Variants in KCNH1 observed in about 807,000 individuals in gnomAD.
KCNH1 encodes potassium voltage-gated channel subfamily H member 1.
A neutral mutation model predicts 69.2 loss-of-function variants in KCNH1; 27 were observed. The ratio of observed to expected loss-of-function variants is 0.39; its 90% CI spans 0.29 to 0.54. The LOEUF (loss-of-function observed/expected upper bound fraction) is 0.54, where lower values mean the gene tolerates loss of function less well. Among genes scored for constraint, KCNH1 ranks in the 20% least tolerant of loss-of-function variants. The pLI, the probability that KCNH1 is intolerant of heterozygous loss-of-function variation, is 0.68. For synonymous variants in KCNH1, 456 were observed against 487.7 expected (o/e 0.93, Z 0.86); for missense variants, 798 against 1,261.6 (o/e 0.63, Z 5.57).
intron 7 of KCNH1, among the ~76,000 whole-genome samples, chr1:210,839,980 T>C (rs770542610): frequency 1.3e-5 from 2 of 151,844 alleles, no homozygotes; most frequent in Non-Finnish European, 2.9e-5. Flanking sequence ...CAATGCTGAG[T>C]GAGAGTGAGA....
intron 10 of KCNH1, among the ~76,000 whole-genome samples, chr1:210,758,720 A>G (rs192867614): frequency 1.7e-4 from 26 of 152,296 alleles, no homozygotes; most frequent in African/African-American, 6.0e-4. Context: ...CAACCTCCTC[A>G]GTGCACTATT....
intron 6 of KCNH1, among the ~76,000 whole-genome samples, chr1:210,939,691 C>T (rs1439169232): frequency 6.6e-6 from 1 of 152,130 alleles, no homozygotes; most frequent in Non-Finnish European, 1.5e-5. Context: ...ATTAATATAC[C>T]CAACTTACGG....
intron 10 of KCNH1, among the ~76,000 whole-genome samples, chr1:210,768,003 A>G (rs1045234642): frequency 6.6e-6 from 1 of 152,152 alleles, no homozygotes; most frequent in African/African-American, 2.4e-5. Context: ...TTCTTCACCA[A>G]ACCTCACTGA....
At chr1:210,815,605 G>C (rs1031477198) in intron 7 of KCNH1, among the ~76,000 whole-genome samples, 3 of 152,050 alleles carry the variant, frequency 2.0e-5, no homozygotes, top group Admixed American at 6.6e-5. Context: ...CACTCCACCA[G>C]ATACTCTCTA....
intron 6 of KCNH1, among the ~76,000 whole-genome samples, chr1:210,958,198 CT>C (rs1237867890): frequency 6.6e-6 from 1 of 152,140 alleles, no homozygotes; most frequent in East Asian, 1.9e-4. Context: ...ATATGAAATT[CT>C]GGGTTGAAAA....
intron 7 of KCNH1, among the ~76,000 whole-genome samples, chr1:210,903,115 T>C (rs1687030047): frequency 9.5e-6 from 1 of 104,794 alleles, no homozygotes. Context: ...CCATCTCTCT[T>C]TTTTTTTCAT....
chr1:211,066,365 T>G (rs1174036898), intron 5 of KCNH1, among the ~76,000 whole-genome samples: 1 of 152,224 alleles, frequency 6.6e-6, no homozygotes, highest in African/African-American at 2.4e-5. Flanking sequence ...TTTTGGATTT[T>G]GGAATATTTG....
chr1:210,853,946 C>CATAAAAAAAAAAA (rs1685767139), intron 7 of KCNH1, among the ~76,000 whole-genome samples: 1 of 61,534 alleles, frequency 1.6e-5, no homozygotes, highest in African/African-American at 7.4e-5. Flanking sequence ...TTATCTAAGC[C>CATAAAAAAAAAAA]AAAAAAAAAA....
At chr1:210,925,774 T>G (rs1241635984) in intron 6 of KCNH1, among the ~76,000 whole-genome samples, 2 of 152,214 alleles carry the variant, frequency 1.3e-5, no homozygotes, top group African/African-American at 4.8e-5. Context: ...TGTCCCAAGC[T>G]GGTGGTCTTT....
At chr1:210,775,711 C>T (rs1683846576) in intron 9 of KCNH1, among the ~76,000 whole-genome samples, 167 bp from the exon 10 acceptor site, 3 of 152,158 alleles carry the variant, frequency 2.0e-5, no homozygotes, top group Admixed American at 2.0e-4. Context: ...TCCTTAACAA[C>T]ATGCAGTTTA....
chr1:210,693,161 G>A (rs902186337), intron 10 of KCNH1, among the ~76,000 whole-genome samples: 5 of 152,198 alleles, frequency 3.3e-5, no homozygotes, highest in South Asian at 2.1e-4. Context: ...TTGATCTTTC[G>A]AAGCCTTAGT....
At chr1:210,932,989 G>T (rs1687703287) in intron 6 of KCNH1, among the ~76,000 whole-genome samples, 1 of 152,104 alleles carries the variant, frequency 6.6e-6, no homozygotes, top group Non-Finnish European at 1.5e-5. Flanking sequence ...AGAAACATCA[G>T]ATTTAAACTG....
intron 4 of KCNH1, among the ~76,000 whole-genome samples, chr1:211,085,092 C>G (rs1168655010): frequency 6.6e-6 from 1 of 152,046 alleles, no homozygotes; most frequent in Admixed American, 6.6e-5. Flanking sequence ...GGCACTAGAG[C>G]AAAGTTTTGA....
intron 3 of KCNH1, among the ~76,000 whole-genome samples, chr1:211,101,032 A>G (rs1340359262): frequency 2.6e-5 from 4 of 152,094 alleles, no homozygotes; most frequent in Non-Finnish European, 5.9e-5. Context: ...CTTGGCCCTG[A>G]TCTTTGTCTA....
At chr1:210,995,138 C>A (rs1246940832) in intron 6 of KCNH1, among the ~76,000 whole-genome samples, 1 of 152,146 alleles carries the variant, frequency 6.6e-6, no homozygotes, top group East Asian at 1.9e-4. Flanking sequence ...AGAGAGGTGA[C>A]AATATCACAC....
chr1:211,053,986 T>C (rs985000976), intron 5 of KCNH1, among the ~76,000 whole-genome samples: 3 of 152,060 alleles, frequency 2.0e-5, no homozygotes, highest in African/African-American at 7.2e-5. Flanking sequence ...AGATAGACAT[T>C]TGGCTGGGCA....
In KCNH1 at chr1:210,997,844, T is replaced by G. The variant is rs562170468; in HGVS notation, c.1032+20939A>C. Among the ~76,000 whole-genome samples the G allele has an allele frequency of 3.7e-3, 562 of 152,056 alleles. 4 individuals carry two copies. Among genetic ancestry groups the G allele is most frequent in the African/African-American group, 0.012 (501 of 41,464 alleles). On this transcript the variant is annotated intron_variant, in intron 6 of 10. Transcript: ENST00000271751. ...AGAAATTCTACAAGCCAGAAGAGAG[T>G]GGGGGCCGATATTCAACATTCTTAA...
intron 6 of KCNH1, among the ~76,000 whole-genome samples, chr1:210,998,184 G>C (rs541427163): frequency 3.7e-4 from 57 of 152,268 alleles, no homozygotes; most frequent in African/African-American, 1.3e-3. Flanking sequence ...ATGTAAATGG[G>C]CTAAATGCTC....
intron 5 of KCNH1, among the ~76,000 whole-genome samples, chr1:211,035,758 GA>G (rs975806949): frequency 1.6e-4 from 24 of 152,260 alleles, no homozygotes; most frequent in African/African-American, 5.8e-4. Flanking sequence ...CTTTATTACA[GA>G]AAACCAACAT....
Sources: allele counts gnomAD v4.1 joint callset (sites outside exome capture counted in the v4.1 genomes callset), GRCh38; gene constraint gnomAD v4.1.1; transcripts MANE v1.5; gene names NCBI Gene and HGNC (gene_info 2026-07-23, HGNC 2026-07-21).